The following STK32C variants were observed in gnomAD, a reference collection of about 807,000 sequenced individuals.
STK32C encodes the protein serine/threonine-protein kinase 32C.
In STK32C, 31 loss-of-function variants were observed where a neutral mutation model predicts 56.5. The observed-to-expected ratio is 0.55, with a 90% CI of 0.41 to 0.74. The LOEUF (loss-of-function observed/expected upper bound fraction) is 0.74. STK32C is among the 30% of genes least tolerant of loss of function. STK32C has a pLI of 0.00. For missense variants in STK32C, 544 were observed against 676.9 expected, an observed-to-expected ratio of 0.80 and a Z score of 2.18; for synonymous variants, 309 against 289.4, an observed-to-expected ratio of 1.07 and a Z score of -0.69.
downstream of STK32C, among the ~76,000 whole-genome samples, chr10:132,321,933 G>A (rs1034641342): frequency 2.6e-5 from 4 of 152,098 alleles, no homozygotes; most frequent in East Asian, 7.7e-4. Context: ...TTCTCTACTG[G>A]AGTCCAAAGG....
intron 2 of STK32C, among the ~76,000 whole-genome samples, chr10:132,240,459 G>A (rs1590226381): frequency 1.3e-5 from 2 of 152,186 alleles, no homozygotes; most frequent in South Asian, 2.1e-4. Context: ...CAGAGGCCAC[G>A]TACACAGGCC....
chr10:132,248,552 G>A lies in STK32C; in HGVS notation c.263-2597C>T, dbSNP rs537369596. On this transcript the variant is annotated intron_variant, in intron 1 of 11. Coordinates refer to ENST00000298630, the MANE Select transcript of STK32C (RefSeq NM_173575.4). The stretch of plus-strand genomic sequence containing the variant: ...GACCCCTGTGCTCCTTGCAGCGGCC[G>A]GTAGAGGCAAAAGAGCCACAGCGGG... Among the ~76,000 whole-genome samples, 8 of 152,368 alleles carry A rather than the reference G, an allele frequency of 5.3e-5. No individual in the cohort carries two copies. The East Asian group carries it at 9.7e-4, about 18-fold the overall frequency.
Position 132,222,749 on chromosome 10 carries a change from G to A in STK32C, c.1143C>T (p.Pro381=). The A allele has an allele frequency of 6.2e-7, 1 of 1,607,226 alleles. No homozygotes were observed. Among genetic ancestry groups the A allele is most frequent in the Non-Finnish European group, 8.5e-7 (1 of 1,177,150 alleles). Residue 381 remains proline (P), a synonymous_variant, in exon 10 of 12, where the codon CCC becomes CCT. Coordinates refer to ENST00000298630, the MANE Select transcript of STK32C (RefSeq NM_173575.4). Reference sequence around the variant, plus strand: ...GGATCATCTCCTCCAGCTCAAAGGTGGGGTCGCAGTGCAGACGGCCTTTCT... The same window carrying A: ...GGATCATCTCCTCCAGCTCAAAGGTAGGGTCGCAGTGCAGACGGCCTTTCT... ...VPNKGRLHCD[P]TFELEEMILE... is the part of the protein sequence containing the mutation.
intron 4 of STK32C, 45 bp downstream of exon 4, chr10:132,226,750 C>G (rs2062906622): frequency 3.1e-6 from 5 of 1,594,898 alleles, no homozygotes; most frequent in Middle Eastern, 1.7e-4. Flanking sequence ...CTGCTTCAGC[C>G]CCGCCCACCT....
At chr10:132,227,766 C>T (rs1311750749) in intron 3 of STK32C, among the ~76,000 whole-genome samples, 1 of 152,158 alleles carries the variant, frequency 6.6e-6, no homozygotes. Context: ...ACTGCATTAA[C>T]CAACCCCAGC....
intron 1 of STK32C, among the ~76,000 whole-genome samples, chr10:132,313,500 C>T (rs549008857): frequency 1.6e-4 from 24 of 152,336 alleles, no homozygotes; most frequent in South Asian, 8.3e-4. Context: ...GCGAGGGAGA[C>T]GGGAACCCAG....
intron 1 of STK32C, among the ~76,000 whole-genome samples, chr10:132,327,674 G>A (rs1048711347): frequency 2.0e-5 from 3 of 151,908 alleles, no homozygotes; most frequent in South Asian, 2.1e-4. Context: ...TGGGGGTTTC[G>A]CCATGTTGGT....
At chr10:132,298,195 G>A (rs937862771) in intron 1 of STK32C, among the ~76,000 whole-genome samples, 5 of 152,202 alleles carry the variant, frequency 3.3e-5, no homozygotes, top group Non-Finnish European at 5.9e-5. Context: ...CCCCAGATGC[G>A]GAGACTTCAC....
intron 1 of STK32C, among the ~76,000 whole-genome samples, chr10:132,290,434 G>A (rs776554345): frequency 3.3e-5 from 5 of 152,242 alleles, no homozygotes; most frequent in Non-Finnish European, 7.3e-5. Context: ...GCAACAGACA[G>A]AAACGTGTTC....
At position 132,273,850 on chromosome 10, in the gene STK32C, A is replaced by ATTGAGTGAATG. The variant is rs1554875108; in HGVS notation, c.263-27896_263-27895insCATTCACTCAA. ...TGAGTGAATGAGTGAATGAACGCAC[A>ATTGAGTGAATG]GTGAGTGAATGAATGAGAGTGGATC... is the stretch of plus-strand genomic sequence containing the variant. On this transcript the variant is annotated intron_variant, in intron 1 of 11. Coordinates refer to ENST00000298630, the MANE Select transcript of STK32C (RefSeq NM_173575.4). Among the ~76,000 whole-genome samples, 5 of 138,782 alleles carry ATTGAGTGAATG rather than the reference A, an allele frequency of 3.6e-5. No homozygotes were observed. In the Admixed American group the frequency reaches 3.6e-4, roughly 10 times the overall value. The allele number at this position is 138,782 out of a possible 152,430, so 91.0% of individuals were successfully genotyped here.
chr10:132,210,128 T>C (rs745970472), intron 10 of STK32C, among the ~76,000 whole-genome samples: 3 of 152,256 alleles, frequency 2.0e-5, no homozygotes, highest in Non-Finnish European at 4.4e-5. Context: ...AGCATCGTTA[T>C]GCAATGCGTG....
chr10:132,228,157 C>T (rs375138499), intron 2 of STK32C, 29 bp from the exon 3 acceptor site: 174 of 1,613,002 alleles, frequency 1.1e-4, no homozygotes, highest in South Asian at 6.9e-4. Flanking sequence ...TTCGGCAGGA[C>T]GCCTGAGGAC....
exon 1 of STK32C, chr10:132,331,819 C>A: frequency 6.4e-7 from 1 of 1,551,912 alleles, no homozygotes; most frequent in Admixed American, 1.9e-5. Flanking sequence ...GACCACCACC[C>A]CTTCAAGGCC....
At chr10:132,223,403 G>A (rs1371716312) in intron 8 of STK32C, among the ~76,000 whole-genome samples, 2 of 152,222 alleles carry the variant, frequency 1.3e-5, no homozygotes, top group Admixed American at 1.3e-4. Context: ...ATGAGCCCGG[G>A]GCAGCCATGC....
At chr10:132,231,311 A>G (rs992917615) in intron 2 of STK32C, among the ~76,000 whole-genome samples, 2 of 152,212 alleles carry the variant, frequency 1.3e-5, no homozygotes, top group African/African-American at 4.8e-5. Flanking sequence ...TGGTGGAGCC[A>G]TCAGCCACAG....
intron 1 of STK32C, among the ~76,000 whole-genome samples, chr10:132,275,303 C>CG (rs911510210): frequency 5.9e-5 from 9 of 152,136 alleles, no homozygotes; most frequent in Non-Finnish European, 1.0e-4. Flanking sequence ...CTGGGACCCC[C>CG]GGGGAAGATG....
intron 10 of STK32C, among the ~76,000 whole-genome samples, 180 bp downstream of exon 10, chr10:132,222,461 C>T (rs1442759620): frequency 6.6e-6 from 1 of 152,144 alleles, no homozygotes; most frequent in Non-Finnish European, 1.5e-5. Flanking sequence ...TCATAAGGAG[C>T]GAGGTGGGGG....
At chr10:132,296,518 A>C (rs568760276) in intron 1 of STK32C, among the ~76,000 whole-genome samples, 3 of 152,202 alleles carry the variant, frequency 2.0e-5, no homozygotes, top group Non-Finnish European at 4.4e-5. Flanking sequence ...CTATCCTGAA[A>C]TTTAAAAGGC....
chr10:132,226,102 G>A lies in STK32C; in HGVS notation c.645-318C>T, dbSNP rs541459985. The stretch of plus-strand genomic sequence containing the variant: ...GGTCTGCCCTCCCCCTCCAAGACTC[G>A]GCCTCTAGGAGACCAAGCCACCTCG... On this transcript the variant is annotated intron_variant, in intron 4 of 11. Transcript: ENST00000298630. 5.9e-5 allele frequency among the ~76,000 whole-genome samples: 9 copies of A among 152,294 alleles called. No homozygotes were observed. In the South Asian group the frequency reaches 6.2e-4, roughly 11 times the overall value.
Sources: gnomAD v4.1 joint callset for allele counts (sites outside exome capture counted in the v4.1 genomes callset) on GRCh38, gnomAD v4.1.1 for gene constraint, MANE v1.5 for transcripts, NCBI Gene and HGNC (gene_info 2026-07-23, HGNC 2026-07-21) for gene names.